Variants in FHIP1A observed in about 807,000 individuals in gnomAD.
FHIP1A encodes the protein FHF complex subunit HOOK interacting protein 1A.
Under a neutral mutation model 88.6 loss-of-function variants are expected in FHIP1A, and 61 were observed. The ratio of observed to expected loss-of-function variants is 0.69; its 90% confidence interval spans 0.56 to 0.85. The LOEUF is 0.85. FHIP1A is among the 40% of genes least tolerant of loss of function. The pLI, the probability that FHIP1A is intolerant of heterozygous loss-of-function variation, is 0.00. For synonymous variants in FHIP1A, 478 were observed against 496.0 expected (o/e 0.96, Z 0.48); for missense variants, 1,154 against 1,273.5 (o/e 0.91, Z 1.43).
intron 1 of FHIP1A, among the ~76,000 whole-genome samples, chr4:151,428,058 A>C (rs1262689584): frequency 2.6e-5 from 4 of 152,182 alleles, no homozygotes; most frequent in African/African-American, 9.6e-5. Context: ...ATATAGTATC[A>C]TGGTAATCTG....
intron 2 of FHIP1A, among the ~76,000 whole-genome samples, chr4:151,462,686 A>G (rs1729181047): frequency 6.6e-6 from 1 of 152,184 alleles, no homozygotes; most frequent in South Asian, 2.1e-4. Flanking sequence ...TTGAAATTTG[A>G]TGAGCATAGT....
Position 151,629,325 on chromosome 4 carries a change from CA to C in FHIP1A, c.979-375del, listed in dbSNP as rs753400415. ...GTTTACTGAATGACTAATAAAGAAA[CA>C]AGTTATTCCGGGCTTTCTAATTAAT... On this transcript the variant is annotated intron_variant, in intron 7 of 13. Transcript: ENST00000435205. 4.3e-4 allele frequency among the ~76,000 whole-genome samples: 66 copies of C among 152,262 alleles called. No homozygotes were observed. In the Middle Eastern group the frequency reaches 0.01, roughly 24 times the overall value.
chr4:151,533,790 A>G (rs545610012), intron 3 of FHIP1A, among the ~76,000 whole-genome samples: 2 of 152,344 alleles, frequency 1.3e-5, no homozygotes, highest in South Asian at 4.1e-4. Context: ...CTGCACTTGT[A>G]CTTTCAGCAG....
intron 3 of FHIP1A, among the ~76,000 whole-genome samples, chr4:151,497,856 G>A (rs1730518520): frequency 6.6e-6 from 1 of 152,170 alleles, no homozygotes; most frequent in Admixed American, 6.5e-5. Flanking sequence ...CTAAGTTTTA[G>A]CGAGAATTCT....
chr4:151,635,487 A>T (rs1414686406), intron 8 of FHIP1A, among the ~76,000 whole-genome samples: 1 of 151,896 alleles, frequency 6.6e-6, no homozygotes, highest in African/African-American at 2.4e-5. Flanking sequence ...TTGTCCATTG[A>T]TGGATGAATG....
At chr4:151,438,290 T>A (rs1489083624) in intron 1 of FHIP1A, among the ~76,000 whole-genome samples, 1 of 152,148 alleles carries the variant, frequency 6.6e-6, no homozygotes, top group East Asian at 1.9e-4. Flanking sequence ...TTAGATACTC[T>A]CCGAGATGTT....
At chr4:151,633,673 A>G (rs1736239813) in intron 8 of FHIP1A, among the ~76,000 whole-genome samples, 1 of 151,960 alleles carries the variant, frequency 6.6e-6, no homozygotes, top group Admixed American at 6.6e-5. Flanking sequence ...TCAGTGTAAT[A>G]TACCACATTA....
intron 3 of FHIP1A, among the ~76,000 whole-genome samples, chr4:151,513,722 G>T (rs899816279): frequency 6.6e-6 from 1 of 152,068 alleles, no homozygotes; most frequent in Non-Finnish European, 1.5e-5. Flanking sequence ...TGACATAATG[G>T]TAAAGGGATC....
chr4:151,566,251 T>G lies in FHIP1A; in HGVS notation c.-9T>G, dbSNP rs1425179352. The G allele has an allele frequency of 6.6e-7, 1 of 1,526,418 alleles. No homozygotes were observed. The highest frequency in any genetic ancestry group is 8.8e-7 in the Non-Finnish European group (1 of 1,129,980). 94.6% of individuals were successfully genotyped at this position (1,526,418 alleles called of 1,614,324 possible). A position where few individuals can be genotyped will look rare whatever the true frequency, so the allele number is the denominator to read the frequency against. ...AATATGACTTAGAAGCATTGATTTATGAAGGCTTATGATGTCATCGGTTTC... is the reference window on the plus strand; with the variant it reads ...AATATGACTTAGAAGCATTGATTTAGGAAGGCTTATGATGTCATCGGTTTC... On this transcript the variant is annotated 5_prime_UTR_variant, in exon 4 of 14. An upstream start codon of the reference 5' UTR is lost. Transcript: ENST00000435205.
chr4:151,654,318 T>C (rs1033094842), intron 11 of FHIP1A, among the ~76,000 whole-genome samples: 10 of 152,092 alleles, frequency 6.6e-5, no homozygotes, highest in African/African-American at 2.4e-4. Flanking sequence ...TTCAAGCTCA[T>C]GTGCCCCCCC....
At chr4:151,527,416 C>T (rs569868480) in intron 3 of FHIP1A, among the ~76,000 whole-genome samples, 2 of 152,256 alleles carry the variant, frequency 1.3e-5, no homozygotes, top group East Asian at 3.9e-4. Context: ...CGCAGGCACT[C>T]GGCAGGCTGA....
intron 7 of FHIP1A, among the ~76,000 whole-genome samples, chr4:151,622,979 T>C (rs1224829205): frequency 2.0e-5 from 3 of 152,096 alleles, no homozygotes; most frequent in Non-Finnish European, 4.4e-5. Context: ...TATGCACACA[T>C]AGTATAGGAA....
intron 9 of FHIP1A, among the ~76,000 whole-genome samples, chr4:151,641,999 A>G (rs1736604898): frequency 6.6e-6 from 1 of 152,246 alleles, no homozygotes; most frequent in Non-Finnish European, 1.5e-5. Flanking sequence ...CCAAATACTC[A>G]TAAATACCAA....
intron 3 of FHIP1A, among the ~76,000 whole-genome samples, chr4:151,512,392 CG>C (rs1655497489): frequency 6.6e-6 from 1 of 152,196 alleles, no homozygotes; most frequent in African/African-American, 2.4e-5. Flanking sequence ...AAAAGCAGAG[CG>C]CCGCTCCTCC....
chr4:151,565,981 A>G, intron 3 of FHIP1A, among the ~76,000 whole-genome samples, 157 bp from the exon 4 acceptor site: 1 of 152,052 alleles, frequency 6.6e-6, no homozygotes, highest in East Asian at 1.9e-4. Context: ...GTAGGAGAAA[A>G]CAGGAGAGCC....
At position 151,664,975 on chromosome 4, in the gene FHIP1A, ACTTT is replaced by A. The variant is rs1191809034; in HGVS notation, c.*2222_*2225del. ...TTTCAATAGGTACTGAAATAAACTT[ACTTT>A]ATTATTTTATTTTTTTGAGACAGGA... On this transcript the variant is annotated 3_prime_UTR_variant, in exon 14 of 14. Transcript: ENST00000435205. 2.0e-5 allele frequency among the ~76,000 whole-genome samples: 3 copies of A among 152,094 alleles called. No individual in the cohort carries two copies. Among genetic ancestry groups the A allele is most frequent in the African/African-American group, 7.2e-5 (3 of 41,470 alleles).
At chr4:151,632,691 A>G (rs150619158) in intron 8 of FHIP1A, among the ~76,000 whole-genome samples, 1 of 152,232 alleles carries the variant, frequency 6.6e-6, no homozygotes, top group Non-Finnish European at 1.5e-5. Context: ...GGAAAAGTGG[A>G]AAAAATTATG....
In FHIP1A at chr4:151,578,015, C is replaced by G; in HGVS notation, c.671C>G (p.Ser224Cys). The change falls in exon 5 of 14, where the codon TCT becomes TGT. Residue 224 changes from serine to cysteine, a missense_variant. Ser to Cys is a moderately radical substitution (Grantham distance 112). Transcript: ENST00000435205. ...QARDALLFIM[S>C]LSAENTMVAH... is the part of the protein sequence containing the mutation. The stretch of plus-strand genomic sequence containing the variant: ...CGGGATGCATTGCTCTTCATCATGT[C>G]TCTTTCTGCTGAGAACACCATGGTG... 1 of 1,551,202 alleles carries G rather than the reference C, an allele frequency of 6.4e-7. No individual in the cohort carries two copies.
chr4:151,506,252 A>G (rs555862510), intron 3 of FHIP1A, among the ~76,000 whole-genome samples: 102 of 152,322 alleles, frequency 6.7e-4, no homozygotes, highest in Admixed American at 1.2e-3. Context: ...TAGGAAGAGA[A>G]GGGCCATTTT....
Sources: gnomAD v4.1 joint callset for allele counts (sites outside exome capture counted in the v4.1 genomes callset) on GRCh38, gnomAD v4.1.1 for gene constraint, MANE v1.5 for transcripts, NCBI Gene and HGNC (gene_info 2026-07-23, HGNC 2026-07-21) for gene names.